Variants in ZNF148 observed in about 807,000 individuals in gnomAD.
ZNF148 encodes the protein Beta-Enolase Repressor Factor-1.
Under a neutral mutation model 67.7 loss-of-function variants are expected in ZNF148, and 7 were observed. The ratio of observed to expected loss-of-function variants is 0.10; its 90% CI spans 0.06 to 0.19. The LOEUF is 0.19. Ranked by LOEUF, ZNF148 falls within the 10% of genes least tolerant of loss-of-function variation. ZNF148 has a pLI of 1.00. For missense variants in ZNF148, 583 were observed against 947.1 expected (o/e 0.62, Z 5.05); for synonymous variants, 333 against 330.7 (o/e 1.01, Z -0.08).
intron 1 of ZNF148, among the ~76,000 whole-genome samples, chr3:125,332,944 T>G (rs1046239464): frequency 2.0e-5 from 3 of 152,196 alleles, no homozygotes; most frequent in African/African-American, 7.2e-5. Flanking sequence ...ACTTTTAGAA[T>G]TGCTAATTAC....
Position 125,349,631 on chromosome 3 carries a change from A to T in ZNF148, c.-233-18393T>A, listed in dbSNP as rs764943001. Among the ~76,000 whole-genome samples the T allele has an allele frequency of 9.2e-5, 14 of 152,216 alleles. No individual in the cohort carries two copies. In the South Asian group the frequency reaches 2.1e-3, roughly 23 times the overall value. On this transcript the variant is annotated intron_variant, in intron 1 of 8. Coordinates refer to ENST00000360647, the MANE Select transcript of ZNF148 (RefSeq NM_021964.3). ...GGGAACACTTAAATATTGCTGGTGG[A>T]AATGTAAATTAGTTCAGCCACTGTG...
At chr3:125,368,845 T>C (rs1229737341) in intron 1 of ZNF148, among the ~76,000 whole-genome samples, 1 of 152,022 alleles carries the variant, frequency 6.6e-6, no homozygotes, top group Non-Finnish European at 1.5e-5. Context: ...ACTCTGAGAC[T>C]GAGGCAGGAG....
At chr3:125,265,535 C>A (rs1299813669) in intron 7 of ZNF148, among the ~76,000 whole-genome samples, 1 of 152,208 alleles carries the variant, frequency 6.6e-6, no homozygotes. Flanking sequence ...GTCTGCAGAA[C>A]AGGTAGAGCA....
At chr3:125,279,373 A>T in intron 5 of ZNF148, 126 bp from the exon 6 acceptor site, 1 of 814,558 alleles carries the variant, frequency 1.2e-6, no homozygotes, top group Non-Finnish European at 1.8e-6. Flanking sequence ...TTGTTCTTAA[A>T]TGATCTTGAA....
Position 125,371,151 on chromosome 3 carries a change from A to G in ZNF148, c.-234+3951T>C, listed in dbSNP as rs113500711. Among the ~76,000 whole-genome samples, 393 of 150,552 alleles carry G rather than the reference A, an allele frequency of 2.6e-3. 1 individual carries two copies. The highest frequency in any genetic ancestry group is 9.4e-3 in the African/African-American group (384 of 40,964). On this transcript the variant is annotated intron_variant, in intron 1 of 8. Coordinates refer to ENST00000360647, the MANE Select transcript of ZNF148 (RefSeq NM_021964.3). ...GCAGACCACTTGAGCCCAAGAGTGC[A>G]AGACCAGCCTGGGCAACATGACGAA... is the stretch of plus-strand genomic sequence containing the variant.
intron 4 of ZNF148, among the ~76,000 whole-genome samples, chr3:125,299,618 A>T (rs57386751): frequency 0.082 from 12,432 of 152,316 alleles, 612 homozygotes; most frequent in Non-Finnish European, 0.099. Flanking sequence ...CCTTAAGAAC[A>T]AGTGAGGATA....
At chr3:125,241,758 G>A (rs1936375210) in intron 7 of ZNF148, among the ~76,000 whole-genome samples, 1 of 151,984 alleles carries the variant, frequency 6.6e-6, no homozygotes, top group Non-Finnish European at 1.5e-5. Flanking sequence ...GTATATTTGT[G>A]GAATAAACAC....
At chr3:125,234,102 A>G in intron 8 of ZNF148, 109 bp downstream of exon 8, 5 of 1,212,702 alleles carry the variant, frequency 4.1e-6, no homozygotes, top group Non-Finnish European at 5.7e-6. Context: ...CTAATCTGTA[A>G]GAGTTAGAAG....
intron 3 of ZNF148, chr3:125,314,874 A>C (rs1940408215): frequency 6.6e-6 from 1 of 152,148 alleles, no homozygotes; most frequent in African/African-American, 2.4e-5. Flanking sequence ...CTAGGGCAAC[A>C]AGGCAAAACC....
chr3:125,326,794 A>G (rs866542774), intron 2 of ZNF148, among the ~76,000 whole-genome samples: 3 of 147,508 alleles, frequency 2.0e-5, no homozygotes, highest in Non-Finnish European at 4.5e-5. Context: ...ATACATCAAG[A>G]TATCTTTTTA....
Position 125,241,315 on chromosome 3 carries a change from T to C in ZNF148, c.668-6986A>G, listed in dbSNP as rs1252468846. Among the ~76,000 whole-genome samples the C allele has an allele frequency of 2.0e-5, 3 of 151,120 alleles. No homozygotes were observed. The East Asian group carries it at 5.8e-4, about 29-fold the overall frequency. On this transcript the variant is annotated intron_variant, in intron 7 of 8. Coordinates refer to ENST00000360647, the MANE Select transcript of ZNF148 (RefSeq NM_021964.3). Reference sequence around the variant, plus strand: ...CAGAGTTTCTTTCTTTTTTCTTTCTTTCTTTTTTTTTTTTTTTAAAGACAG... The same window carrying C: ...CAGAGTTTCTTTCTTTTTTCTTTCTCTCTTTTTTTTTTTTTTTAAAGACAG...
intron 5 of ZNF148, among the ~76,000 whole-genome samples, chr3:125,280,153 G>T (rs1938300823): frequency 6.6e-6 from 1 of 151,970 alleles, no homozygotes; most frequent in South Asian, 2.1e-4. Context: ...AGTGGGTATG[G>T]GGTCCATCTG....
intron 1 of ZNF148, among the ~76,000 whole-genome samples, chr3:125,369,291 T>C (rs1347198914): frequency 1.7e-4 from 8 of 48,338 alleles, no homozygotes; most frequent in Non-Finnish European, 3.7e-5. Flanking sequence ...AAAAAAGCCA[T>C]AGAAGCCTAG....
In ZNF148 at chr3:125,295,452, C is replaced by CAA. The variant is rs547952369; in HGVS notation, c.334-7226_334-7225dup. ...TGGGCGACAGAGTGAGACTCCATCT[C>CAA]AAAAAAAAAAAAAGACAAAATGCCA... On this transcript the variant is annotated intron_variant, in intron 4 of 8. Transcript: ENST00000360647. Among the ~76,000 whole-genome samples, 180 of 130,292 alleles carry CAA rather than the reference C, an allele frequency of 1.4e-3. 2 individuals are homozygous for CAA. Among genetic ancestry groups the CAA allele is most frequent in the East Asian group, 7.8e-3 (34 of 4,376 alleles). 85.5% of individuals were successfully genotyped at this position (130,292 alleles called of 152,430 possible).
chr3:125,337,697 A>C (rs1241261515), intron 1 of ZNF148, among the ~76,000 whole-genome samples: 3 of 152,192 alleles, frequency 2.0e-5, no homozygotes, highest in Non-Finnish European at 2.9e-5. Flanking sequence ...CTAAACACTC[A>C]CACACAACTA....
intron 1 of ZNF148, chr3:125,344,255 C>T (rs758019207): frequency 2.6e-6 from 1 of 390,310 alleles, no homozygotes; most frequent in Non-Finnish European, 4.8e-6. Flanking sequence ...GTGCCCATCC[C>T]ACTACCACCA....
chr3:125,244,292 A>G (rs1376840258), intron 7 of ZNF148, among the ~76,000 whole-genome samples: 4 of 152,308 alleles, frequency 2.6e-5, no homozygotes, highest in East Asian at 1.9e-4. Context: ...GGTAAACTAT[A>G]TATGAGAGAG....
intron 7 of ZNF148, among the ~76,000 whole-genome samples, chr3:125,249,391 A>G (rs1936737548): frequency 6.6e-6 from 1 of 152,206 alleles, no homozygotes; most frequent in Admixed American, 6.5e-5. Context: ...AAAGAAGACC[A>G]CACATTTTTC....
chr3:125,253,678 A>G (rs1325043915), intron 7 of ZNF148, among the ~76,000 whole-genome samples: 1 of 152,196 alleles, frequency 6.6e-6, no homozygotes, highest in African/African-American at 2.4e-5. Context: ...ACCTACTGAG[A>G]TAAAATTTCC....
Sources: gnomAD v4.1 joint callset for allele counts (sites outside exome capture counted in the v4.1 genomes callset) on GRCh38, gnomAD v4.1.1 for gene constraint, MANE v1.5 for transcripts, NCBI Gene and HGNC (gene_info 2026-07-23, HGNC 2026-07-21) for gene names.